DIP2B: variants seen among roughly 807,000 people sequenced by gnomAD.
The protein encoded by DIP2B is DIP2 acetate--CoA ligase B (putative), also known as disco-interacting protein 2 homolog B.
A neutral mutation model predicts 198.0 loss-of-function variants in DIP2B; 76 were observed. The observed-to-expected ratio is 0.38, with a 90% CI of 0.32 to 0.46. DIP2B has a LOEUF of 0.46. Among genes scored for constraint, DIP2B ranks in the 20% least tolerant of loss-of-function variants. The pLI, the probability that DIP2B is intolerant of heterozygous loss-of-function variation, is 0.99. For missense variants in DIP2B, 1,559 were observed against 1,978.4 expected (o/e 0.79, Z 4.02); for synonymous variants, 701 against 739.1 (o/e 0.95, Z 0.84).
At chr12:50,512,403 A>C (rs1409518829) in intron 1 of DIP2B, among the ~76,000 whole-genome samples, 1 of 151,642 alleles carries the variant, frequency 6.6e-6, no homozygotes, top group African/African-American at 2.4e-5. Flanking sequence ...CACTGCACCC[A>C]GCGTCAATGT....
intron 32 of DIP2B, among the ~76,000 whole-genome samples, chr12:50,733,910 C>A (rs540066837): frequency 6.6e-6 from 1 of 152,298 alleles, no homozygotes; most frequent in South Asian, 2.1e-4. Context: ...ACCTGTGTCA[C>A]CTCTGCTTTG....
chr12:50,699,025 C>G (rs766046975), intron 18 of DIP2B, 41 bp from the exon 19 acceptor site: 2 of 1,599,126 alleles, frequency 1.3e-6, no homozygotes, highest in South Asian at 2.3e-5. Flanking sequence ...CAAAAGTTTT[C>G]TAGAATCTTT....
rs1454271345 is a variant in DIP2B at position 50,708,575 on chromosome 12, T to C, written c.2649+13T>C. 5.7e-6 allele frequency: 9 copies of C among 1,573,010 alleles called. No homozygotes were observed. Among genetic ancestry groups the C allele is most frequent in the African/African-American group, 2.7e-5 (2 of 74,266 alleles). On this transcript the variant is annotated intron_variant, in intron 22 of 37. Coordinates refer to ENST00000301180, the MANE Select transcript of DIP2B (RefSeq NM_173602.3). ...CCGCGTGCTGCAGGTGAGCACACTT[T>C]GGGGTCTGTGTCAGGTCAGCGGTGG...
intron 1 of DIP2B, among the ~76,000 whole-genome samples, chr12:50,520,226 CAG>C (rs1244495962): frequency 6.6e-6 from 1 of 151,930 alleles, no homozygotes; most frequent in Non-Finnish European, 1.5e-5. Context: ...TTAGTGGAGA[CAG>C]GGTTTCACCG....
intron 1 of DIP2B, among the ~76,000 whole-genome samples, chr12:50,613,170 T>G (rs946459213): frequency 6.6e-6 from 1 of 152,228 alleles, no homozygotes; most frequent in Admixed American, 6.5e-5. Context: ...TTTGAAGCTG[T>G]CTCTCACAGT....
At chr12:50,643,559 A>G (rs1038718995) in intron 3 of DIP2B, among the ~76,000 whole-genome samples, 6 of 152,180 alleles carry the variant, frequency 3.9e-5, no homozygotes, top group African/African-American at 7.2e-5. Context: ...CTGCAATCCT[A>G]TCAGGAGGGG....
intron 14 of DIP2B, 149 bp from the exon 15 acceptor site, chr12:50,695,118 C>T (rs1333357004): frequency 1.2e-5 from 7 of 585,890 alleles, no homozygotes; most frequent in Non-Finnish European, 2.0e-5. Context: ...GAACTTCAAT[C>T]TTATATTTAA....
rs1365605104 is a variant in DIP2B, at chr12:50,686,507, C to T, written c.1442-66C>T. The T allele has an allele frequency of 6.7e-6, 9 of 1,351,110 alleles. No homozygotes were observed. In the East Asian group the frequency reaches 1.7e-4, roughly 25 times the overall value. 83.7% of individuals were successfully genotyped at this position (1,351,110 alleles called of 1,614,324 possible). A position where few individuals can be genotyped will look rare whatever the true frequency, so the allele number is the denominator to read the frequency against. On this transcript the variant is annotated intron_variant, in intron 11 of 37. Coordinates refer to ENST00000301180, the MANE Select transcript of DIP2B (RefSeq NM_173602.3). ...TTGGTCTCTTGATATTTAAAATGAC[C>T]AGTTCAGTGTGAATTCATTCCCTGA...
At chr12:50,700,709 T>C (rs1436213340) in intron 19 of DIP2B, among the ~76,000 whole-genome samples, 13 of 152,222 alleles carry the variant, frequency 8.5e-5, no homozygotes, top group Non-Finnish European at 1.9e-4. Flanking sequence ...ACTACTGTGC[T>C]CTTGCCCAGC....
At chr12:50,541,885 C>G (rs1958329090) in intron 1 of DIP2B, among the ~76,000 whole-genome samples, 1 of 151,988 alleles carries the variant, frequency 6.6e-6, no homozygotes, top group African/African-American at 2.4e-5. Context: ...GCCTGTAGTC[C>G]CAGCTGTTGG....
chr12:50,558,397 G>A (rs984486795), intron 1 of DIP2B, among the ~76,000 whole-genome samples: 1 of 152,184 alleles, frequency 6.6e-6, no homozygotes, highest in Non-Finnish European at 1.5e-5. Flanking sequence ...GTTCCTGCCA[G>A]GGGTAATAAT....
At chr12:50,541,403 C>CTTTTTTTTT in intron 1 of DIP2B, among the ~76,000 whole-genome samples, 1 of 128,618 alleles carries the variant, frequency 7.8e-6, no homozygotes, top group Non-Finnish European at 1.6e-5. Context: ...AAAGAACATT[C>CTTTTTTTTT]TTTTTTTTTT....
intron 2 of DIP2B, among the ~76,000 whole-genome samples, chr12:50,634,977 C>CTT (rs1938130505): frequency 6.6e-6 from 1 of 152,084 alleles, no homozygotes; most frequent in Non-Finnish European, 1.5e-5. Flanking sequence ...TTGTTTCCAC[C>CTT]CTCAATAGAT....
At chr12:50,708,324 C>A in intron 21 of DIP2B, 124 bp from the exon 22 acceptor site, 2 of 723,548 alleles carry the variant, frequency 2.8e-6, no homozygotes, top group Non-Finnish European at 2.3e-6. Flanking sequence ...ATGACATTTT[C>A]TTTTCTAAGC....
At chr12:50,524,252 TG>T (rs1178680702) in intron 1 of DIP2B, among the ~76,000 whole-genome samples, 2 of 152,230 alleles carry the variant, frequency 1.3e-5, no homozygotes, top group Non-Finnish European at 2.9e-5. Flanking sequence ...GCTCCTTACC[TG>T]GTGGTGTCCC....
At chr12:50,735,018 A>G (rs1222254633) in intron 33 of DIP2B, 55 bp from the exon 34 acceptor site, 4 of 1,604,020 alleles carry the variant, frequency 2.5e-6, no homozygotes, top group Admixed American at 3.3e-5. Flanking sequence ...CTGCAGGAAC[A>G]TGGCGACTTC....
chr12:50,540,094 TATC>T (rs1958308800), intron 1 of DIP2B, among the ~76,000 whole-genome samples: 2 of 89,810 alleles, frequency 2.2e-5, no homozygotes, highest in Admixed American at 2.5e-4. Context: ...CTATTGCAAA[TATC>T]ATAGCTATGA....
intron 1 of DIP2B, among the ~76,000 whole-genome samples, chr12:50,551,784 A>G (rs993629376): frequency 6.6e-6 from 1 of 152,084 alleles, no homozygotes; most frequent in South Asian, 2.1e-4. Flanking sequence ...GTTCCATTGT[A>G]TGTATGTTTC....
chr12:50,522,480 C>A (rs190347761), intron 1 of DIP2B, among the ~76,000 whole-genome samples: 1 of 152,256 alleles, frequency 6.6e-6, no homozygotes, highest in East Asian at 1.9e-4. Flanking sequence ...CACACACTCA[C>A]TTAGACTGGG....
Sources: allele counts gnomAD v4.1 joint callset (sites outside exome capture counted in the v4.1 genomes callset), GRCh38; gene constraint gnomAD v4.1.1; transcripts MANE v1.5; gene names NCBI Gene and HGNC (gene_info 2026-07-23, HGNC 2026-07-21).